NUP98: variants seen among roughly 807,000 people sequenced by gnomAD.
The protein encoded by NUP98 is nucleoporin 98 and 96 precursor.
A neutral mutation model predicts 191.9 loss-of-function variants in NUP98; 26 were observed. The ratio of observed to expected loss-of-function variants is 0.14; its 90% CI spans 0.10 to 0.19. The LOEUF is 0.19. NUP98 is among the 10% of genes least tolerant of loss of function. The probability of loss-of-function intolerance (pLI) is 1.00; values close to 1 mark genes in which losing one functional copy is unlikely to be tolerated. For missense variants in NUP98, 1,941 were observed against 2,178.8 expected (o/e 0.89, Z 2.17); for synonymous variants, 808 against 778.4 (o/e 1.04, Z -0.63).
At chr11:3,680,507 T>C (rs2077951096) in intron 30 of NUP98, among the ~76,000 whole-genome samples, 1 of 152,216 alleles carries the variant, frequency 6.6e-6, no homozygotes, top group South Asian at 2.1e-4. Flanking sequence ...TGTTATTTAA[T>C]GTTGATATTT....
intron 13 of NUP98, 32 bp from the exon 14 acceptor site, chr11:3,731,610 G>T: frequency 6.7e-7 from 1 of 1,488,466 alleles, no homozygotes; most frequent in South Asian, 1.4e-5. Flanking sequence ...GAAATTTTTG[G>T]TTTACTTTAA....
At chr11:3,731,024 T>C (rs562264378) in intron 14 of NUP98, among the ~76,000 whole-genome samples, 1 of 152,290 alleles carries the variant, frequency 6.6e-6, no homozygotes, top group South Asian at 2.1e-4. Flanking sequence ...CCCAGCACTT[T>C]GGGAGGCCAG....
At chr11:3,767,776 T>G (rs908540776) in intron 8 of NUP98, among the ~76,000 whole-genome samples, 1 of 152,066 alleles carries the variant, frequency 6.6e-6, no homozygotes, top group African/African-American at 2.4e-5. Flanking sequence ...TGAGGACCTT[T>G]TCTTTGGACA....
chr11:3,735,748 AGTGTGTGTGTGT>A (rs71041385), intron 12 of NUP98, among the ~76,000 whole-genome samples: 2,558 of 140,942 alleles, frequency 0.018, 84 homozygotes, highest in African/African-American at 0.064. Context: ...CAGGGCAAGT[AGTGTGTGTGTGT>A]GTGTGTGTGT....
chr11:3,758,990 GAACT>G (rs1334147713), intron 10 of NUP98, among the ~76,000 whole-genome samples: 1 of 152,156 alleles, frequency 6.6e-6, no homozygotes, highest in Non-Finnish European at 1.5e-5. Context: ...ACCTATCAAT[GAACT>G]ATCTACCTTC....
chr11:3,741,550 G>C (rs1052726617), intron 12 of NUP98, among the ~76,000 whole-genome samples: 2 of 152,090 alleles, frequency 1.3e-5, no homozygotes, highest in African/African-American at 4.8e-5. Flanking sequence ...CAATCCAGGA[G>C]GCGGATATAG....
At chr11:3,704,684 C>T (rs111970979) in intron 22 of NUP98, among the ~76,000 whole-genome samples, 3 of 152,272 alleles carry the variant, frequency 2.0e-5, no homozygotes, top group Admixed American at 6.5e-5. Context: ...TGCATCTGCA[C>T]AAACAGAGGT....
At chr11:3,749,302 G>A (rs1479577731) in intron 11 of NUP98, among the ~76,000 whole-genome samples, 6 of 148,388 alleles carry the variant, frequency 4.0e-5, no homozygotes, top group African/African-American at 7.4e-5. Flanking sequence ...GCGACAGAGC[G>A]AGACTCCGTC....
At chr11:3,676,673 A>C in intron 31 of NUP98, 53 bp from the exon 32 acceptor site, 1 of 1,303,758 alleles carries the variant, frequency 7.7e-7, no homozygotes, top group South Asian at 1.2e-5. Flanking sequence ...TATCACTCCA[A>C]TCCCACCTAT....
chr11:3,742,699 CAAA>C (rs35895691), intron 12 of NUP98, among the ~76,000 whole-genome samples: 10 of 82,862 alleles, frequency 1.2e-4, no homozygotes, highest in Non-Finnish European at 7.2e-5. Context: ...ACTCTGTCTC[CAAA>C]AAAAAAAAAA....
At chr11:3,707,661 G>A (rs1429382694) in intron 20 of NUP98, among the ~76,000 whole-genome samples, 1 of 146,212 alleles carries the variant, frequency 6.8e-6, no homozygotes, top group South Asian at 2.2e-4. Context: ...CCAGCTACTC[G>A]GGAGGCAATG....
At chr11:3,784,900 G>A (rs930253782) in intron 1 of NUP98, among the ~76,000 whole-genome samples, 7 of 152,146 alleles carry the variant, frequency 4.6e-5, no homozygotes, top group Non-Finnish European at 8.8e-5. Context: ...ACTTTGGGAG[G>A]CAGAGGCGGG....
At chr11:3,758,406 C>T (rs2081052543) in intron 10 of NUP98, among the ~76,000 whole-genome samples, 1 of 151,966 alleles carries the variant, frequency 6.6e-6, no homozygotes, top group Non-Finnish European at 1.5e-5. Context: ...TACAAACGGT[C>T]CATGGGGAAG....
chr11:3,712,914 C>T (rs1203618651), intron 19 of NUP98, among the ~76,000 whole-genome samples, 186 bp from the exon 20 acceptor site: 2 of 152,166 alleles, frequency 1.3e-5, no homozygotes, highest in Non-Finnish European at 2.9e-5. Flanking sequence ...GATGTATGCT[C>T]TAGTTGCTCA....
chr11:3,734,834 A>G (rs972093948), intron 13 of NUP98, among the ~76,000 whole-genome samples: 3 of 152,172 alleles, frequency 2.0e-5, no homozygotes, highest in Admixed American at 2.0e-4. Flanking sequence ...TGGGAGACCG[A>G]GGCGGGAGGA....
At chr11:3,690,723 A>G (rs2078287156) in intron 28 of NUP98, among the ~76,000 whole-genome samples, 1 of 152,222 alleles carries the variant, frequency 6.6e-6, no homozygotes, top group African/African-American at 2.4e-5. Flanking sequence ...GTGGGAATAT[A>G]AAAATGATAT....
chr11:3,695,620 G>A lies in NUP98; in HGVS notation c.4010-14C>T. On this transcript the variant is annotated splice_polypyrimidine_tract_variant and intron_variant, in intron 25 of 32. Transcript: ENST00000324932. Reference sequence around the variant, plus strand: ...GACGATGATCCCCTATAAGAGAAATGGAAGTTTTTTGGTTATTACTAAGGG... The same window carrying A: ...GACGATGATCCCCTATAAGAGAAATAGAAGTTTTTTGGTTATTACTAAGGG... The A allele has an allele frequency of 6.5e-7, 1 of 1,536,350 alleles. No homozygotes were observed. Among genetic ancestry groups the A allele is most frequent in the Non-Finnish European group, 8.8e-7 (1 of 1,142,200 alleles).
Position 3,782,109 on chromosome 11 carries a change from G to A in NUP98, c.9C>T (p.Asn3=). The change falls in exon 2 of 33, where the codon AAC becomes AAT. Residue 3 remains asparagine (N), a synonymous_variant. Transcript: ENST00000324932. Reference sequence around the variant, plus strand: ...CCCCAAAGGGTGTTCCAAATGATTTGTTAAACATCTTCAAAATGAGTCTTT... The same window carrying A: ...CCCCAAAGGGTGTTCCAAATGATTTATTAAACATCTTCAAAATGAGTCTTT... The part of the protein sequence containing the change: MF[N]KSFGTPFGGG... 3 of 1,610,900 alleles carry A rather than the reference G, an allele frequency of 1.9e-6. No individual in the cohort carries two copies. Among genetic ancestry groups the A allele is most frequent in the Non-Finnish European group, 2.5e-6 (3 of 1,178,016 alleles).
chr11:3,729,743 G>GAAAAAAAAAAAAA (rs1699475051), intron 14 of NUP98, among the ~76,000 whole-genome samples: 1 of 100,960 alleles, frequency 9.9e-6, no homozygotes, highest in Non-Finnish European at 2.2e-5. Context: ...AAAAAAAAAG[G>GAAAAAAAAAAAAA]ATGACGTTTG....
Sources: allele counts gnomAD v4.1 joint callset (sites outside exome capture counted in the v4.1 genomes callset), GRCh38; gene constraint gnomAD v4.1.1; transcripts MANE v1.5; gene names NCBI Gene and HGNC (gene_info 2026-07-23, HGNC 2026-07-21).